FN1: variants seen among roughly 807,000 people sequenced by gnomAD.
FN1 encodes the protein fibronectin 1, also known as fibronectin.
In FN1, 106 loss-of-function variants were observed where a neutral mutation model predicts 297.3. That is an observed-to-expected ratio of 0.36 (90% CI 0.30 to 0.42). FN1 has a LOEUF of 0.42. FN1 is among the 10% of genes least tolerant of loss of function. FN1 has a pLI of 1.00. For missense variants in FN1, 2,690 were observed against 3,124.9 expected, an observed-to-expected ratio of 0.86 and a Z score of 3.32; for synonymous variants, 1,149 against 1,152.6, an observed-to-expected ratio of 1.00 and a Z score of 0.06.
At chr2:215,400,706 C>CACA (rs1397114404) in intron 20 of FN1, among the ~76,000 whole-genome samples, 1 of 116,486 alleles carries the variant, frequency 8.6e-6, no homozygotes, top group African/African-American at 3.3e-5. Flanking sequence ...GAGCCAAGAT[C>CACA]ACACCACTGC....
At chr2:215,413,596 A>T (rs943666310) in intron 13 of FN1, among the ~76,000 whole-genome samples, 1 of 152,030 alleles carries the variant, frequency 6.6e-6, no homozygotes, top group Non-Finnish European at 1.5e-5. Flanking sequence ...TTCCATCTGT[A>T]TTGGCTGTCC....
At chr2:215,384,266 T>C in intron 29 of FN1, 82 bp from the exon 30 acceptor site, 1 of 1,306,968 alleles carries the variant, frequency 7.7e-7, no homozygotes, top group Admixed American at 1.7e-5. Flanking sequence ...ACCACATTTA[T>C]AGCAGCATGT....
At chr2:215,423,209 CACAA>C in intron 9 of FN1, 137 bp downstream of exon 9, 5 of 760,260 alleles carry the variant, frequency 6.6e-6, no homozygotes, top group South Asian at 3.3e-5. Flanking sequence ...CACACACACA[CACAA>C]ACACACTTCA....
At chr2:215,392,613 G>A in intron 25 of FN1, 2 of 376,884 alleles carry the variant, frequency 5.3e-6, no homozygotes, top group Non-Finnish European at 1.0e-5. Flanking sequence ...ATTCGTGTTT[G>A]GTATTTAAGA....
Position 215,391,737 on chromosome 2 carries a change from A to AC in FN1, c.4146_4147insG (p.Ser1383ValfsTer3). 6.2e-7 allele frequency: 1 copy of AC among 1,614,168 alleles called. No individual in the cohort carries two copies. The highest frequency in any genetic ancestry group is 8.5e-7 in the Non-Finnish European group (1 of 1,180,012). On this transcript the variant is annotated frameshift_variant, in exon 26 of 46. Transcript: ENST00000354785. LOFTEE classifies it high-confidence loss of function. ...ACCAGGAAGTTGGTTAAATCAATGG[A>AC]TGGGGGTGGAGCCCAGGTGACACGC... is the stretch of plus-strand genomic sequence containing the variant.
chr2:215,427,104 T>C (rs966508692), intron 6 of FN1, among the ~76,000 whole-genome samples: 2 of 152,110 alleles, frequency 1.3e-5, no homozygotes, highest in Non-Finnish European at 2.9e-5. Flanking sequence ...CTTGATCTCC[T>C]GACCTCGTGA....
intron 13 of FN1, among the ~76,000 whole-genome samples, chr2:215,413,458 T>C (rs1228639255): frequency 6.6e-6 from 1 of 152,188 alleles, no homozygotes; most frequent in Non-Finnish European, 1.5e-5. Flanking sequence ...CTGATTGTCA[T>C]GTTGTTATTT....
intron 42 of FN1, chr2:215,367,552 G>T (rs2054878005): frequency 2.6e-6 from 1 of 391,476 alleles, no homozygotes; most frequent in Non-Finnish European, 4.9e-6. Flanking sequence ...CTCTTAAATA[G>T]ACCTGGTTCC....
At position 215,372,362 on chromosome 2, in the gene FN1, T is replaced by G. The variant is rs564795973; in HGVS notation, c.6261A>C (p.Gln2087His). 24 of 1,614,044 alleles carry G rather than the reference T, an allele frequency of 1.5e-5. No individual in the cohort carries two copies. In the East Asian group the frequency reaches 2.5e-4, roughly 16 times the overall value. The change falls in exon 40 of 46, where the codon CAA (glutamine) becomes CAC (histidine). Residue 2087 changes from glutamine to histidine, a missense_variant. By Grantham distance (24) the Gln-to-His change is conservative. Around this residue, in one of 3 missense-constraint regions of FN1, gnomAD observed 1,743 missense variants for 1,945.2 expected, o/e 0.90. Transcript: ENST00000354785. ...IGRKKTDELP[Q>H]LVTLPHPNLH... ...GATTGGGGTGTGGAAGGGTTACCAGTTGGGGAAGCTCGTCTAGCCGAGAGA... is the reference window on the plus strand; with the variant it reads ...GATTGGGGTGTGGAAGGGTTACCAGGTGGGGAAGCTCGTCTAGCCGAGAGA...
chr2:215,422,807 G>C (rs1473640987), intron 9 of FN1, among the ~76,000 whole-genome samples: 1 of 152,116 alleles, frequency 6.6e-6, no homozygotes, highest in Non-Finnish European at 1.5e-5. Flanking sequence ...CAAGTAAAAG[G>C]TATTCGTTTC....
At chr2:215,378,297 G>A (rs376961715) in intron 34 of FN1, 35 bp from the exon 35 acceptor site, 538 of 1,155,560 alleles carry the variant, frequency 4.7e-4, no homozygotes, top group Non-Finnish European at 6.1e-4. Context: ...CTTTAGCAAC[G>A]TCCTCAACTG....
chr2:215,380,575 G>T, intron 33 of FN1: 1 of 575,502 alleles, frequency 1.7e-6, no homozygotes, highest in East Asian at 3.0e-5. Flanking sequence ...CAAATGTCTT[G>T]CTTTATGGTC....
chr2:215,392,797 C>T, intron 25 of FN1, 134 bp downstream of exon 25: 3 of 950,946 alleles, frequency 3.2e-6, no homozygotes, highest in Non-Finnish European at 3.3e-6. Flanking sequence ...GATTCCTTAT[C>T]CCCCCAATCC....
rs1450790497 is a variant in FN1 at position 215,383,523 on chromosome 2, C to T, written c.4895-40G>A. Reference sequence around the variant, plus strand: ...AGGGAGAAACCAGTGAAGCCCCAGTCCTTGGAGACAAGATTGGACAAGTCC... The same window carrying T: ...AGGGAGAAACCAGTGAAGCCCCAGTTCTTGGAGACAAGATTGGACAAGTCC... On this transcript the variant is annotated intron_variant, in intron 30 of 45. Coordinates refer to ENST00000354785, the MANE Select transcript of FN1 (RefSeq NM_212482.4). 4.3e-6 allele frequency: 7 copies of T among 1,610,564 alleles called. No homozygotes were observed. The South Asian group carries it at 6.6e-5, about 15-fold the overall frequency.
Position 215,409,636 on chromosome 2 carries a change from T to G in FN1, c.2226A>C (p.Ser742=), listed in dbSNP as rs1377765460. 1 of 1,614,090 alleles carries G rather than the reference T, an allele frequency of 6.2e-7. No homozygotes were observed. Among genetic ancestry groups the G allele is most frequent in the Admixed American group, 1.7e-5 (1 of 60,020 alleles). The part of the protein sequence containing the change: ...TASSFVVSWV[S]ASDTVSGFRV... The stretch of plus-strand genomic sequence containing the variant: ...GGAATCCCGACACGGTGTCGGAAGC[T>G]GAGACCCAGGAGACCACAAAGCTAC... Residue 742 remains serine (S), a synonymous_variant, in exon 15 of 46, where the codon TCA becomes TCC. Coordinates refer to ENST00000354785, the MANE Select transcript of FN1 (RefSeq NM_212482.4).
chr2:215,362,777 CT>C (rs1281916407), intron 44 of FN1: 1 of 152,964 alleles, frequency 6.5e-6, no homozygotes, highest in African/African-American at 2.4e-5. Context: ...TCTTTCACTA[CT>C]GTTCTTAAGC....
intron 23 of FN1, 137 bp downstream of exon 23, chr2:215,397,000 G>A: frequency 1.3e-6 from 1 of 759,464 alleles, no homozygotes; most frequent in South Asian, 1.4e-5. Flanking sequence ...TGTACATCAT[G>A]TACTGCTATA....
chr2:215,409,542 T>G (rs1349727824), intron 15 of FN1, 21 bp downstream of exon 15: 1 of 1,611,476 alleles, frequency 6.2e-7, no homozygotes, highest in Non-Finnish European at 8.5e-7. Flanking sequence ...GAACCTGTCT[T>G]GAGCGACATA....
At chr2:215,371,063 A>T (rs535043615) in intron 40 of FN1, among the ~76,000 whole-genome samples, 3 of 152,188 alleles carry the variant, frequency 2.0e-5, no homozygotes, top group South Asian at 4.2e-4. Flanking sequence ...AGGTCAGGAG[A>T]TCGAGACCAT....
Sources: allele counts gnomAD v4.1 joint callset (sites outside exome capture counted in the v4.1 genomes callset), GRCh38; gene constraint gnomAD v4.1.1; regional missense constraint gnomAD v4.1.1; transcripts MANE v1.5; gene names NCBI Gene and HGNC (gene_info 2026-07-23, HGNC 2026-07-21).